Variants in GRID2 observed in about 807,000 individuals in gnomAD.
GRID2 encodes glutamate ionotropic receptor delta type subunit 2, also known as glutamate receptor ionotropic, delta-2.
GRID2 carries 33 observed loss-of-function variants against 114.8 expected under a neutral mutation model. The ratio of observed to expected loss-of-function variants is 0.29; its 90% CI spans 0.22 to 0.38. The LOEUF (loss-of-function observed/expected upper bound fraction) is 0.38. GRID2 is among the 10% of genes least tolerant of loss of function. The pLI, the probability that GRID2 is intolerant of heterozygous loss-of-function variation, is 1.00. For missense variants in GRID2, 1,184 were observed against 1,257.7 expected (o/e 0.94, Z 0.89); for synonymous variants, 505 against 449.9 (o/e 1.12, Z -1.55).
rs915846200 is a variant in GRID2, at chr4:92,647,483, G to T, written c.244+57197G>T. Among the ~76,000 whole-genome samples the T allele has an allele frequency of 3.3e-5, 5 of 149,296 alleles. 1 individual carries two copies. Among genetic ancestry groups the T allele is most frequent in the South Asian group, 2.1e-4 (1 of 4,770 alleles). ...CAAAATGATCATGGCTTGAATTATG[G>T]TTTTTTTGTTTGTTTTAAATAAGGA... On this transcript the variant is annotated intron_variant, in intron 2 of 15. Coordinates refer to ENST00000282020, the MANE Select transcript of GRID2 (RefSeq NM_001510.4).
intron 1 of GRID2, among the ~76,000 whole-genome samples, chr4:92,426,894 G>T (rs1732185125): frequency 6.6e-6 from 1 of 152,044 alleles, no homozygotes; most frequent in Non-Finnish European, 1.5e-5. Context: ...ATATTTAGTA[G>T]GTGAGCCATC....
chr4:92,346,734 C>A (rs560053530), intron 1 of GRID2, among the ~76,000 whole-genome samples: 1 of 152,218 alleles, frequency 6.6e-6, no homozygotes, highest in African/African-American at 2.4e-5. Context: ...TTCATGTAAA[C>A]ATTTGTACTC....
At chr4:93,604,770 A>G (rs542946375) in intron 13 of GRID2, among the ~76,000 whole-genome samples, 1 of 152,350 alleles carries the variant, frequency 6.6e-6, no homozygotes, top group African/African-American at 2.4e-5. Context: ...TCCACCAGCA[A>G]AAAGATTACA....
At chr4:93,355,870 A>G (rs979576927) in intron 8 of GRID2, among the ~76,000 whole-genome samples, 1 of 152,048 alleles carries the variant, frequency 6.6e-6, no homozygotes, top group Non-Finnish European at 1.5e-5. Context: ...GCAAGAAAGT[A>G]TGATCCTACT....
At chr4:92,582,246 C>T (rs1407958067) in intron 1 of GRID2, among the ~76,000 whole-genome samples, 1 of 151,458 alleles carries the variant, frequency 6.6e-6, no homozygotes, top group Admixed American at 6.6e-5. Flanking sequence ...TAGGATTATT[C>T]GTCACTAAAG....
intron 12 of GRID2, among the ~76,000 whole-genome samples, chr4:93,497,018 G>T (rs565189508): frequency 2.0e-5 from 3 of 151,676 alleles, no homozygotes; most frequent in South Asian, 2.1e-4. Flanking sequence ...GAGATCAAGG[G>T]TGTCTGCATC....
chr4:93,777,129 C>T (rs961129623), downstream of GRID2, among the ~76,000 whole-genome samples: 2 of 152,158 alleles, frequency 1.3e-5, no homozygotes, highest in Non-Finnish European at 2.9e-5. Context: ...TAGCCTCCAA[C>T]CCACACATAC....
intron 2 of GRID2, among the ~76,000 whole-genome samples, chr4:92,601,945 T>G (rs1729234746): frequency 6.6e-6 from 1 of 151,460 alleles, no homozygotes; most frequent in African/African-American, 2.4e-5. Flanking sequence ...ACATACCCCC[T>G]CGCAAGACTG....
chr4:93,122,701 G>GA (rs553252845), intron 4 of GRID2, among the ~76,000 whole-genome samples: 2 of 151,152 alleles, frequency 1.3e-5, no homozygotes, highest in Non-Finnish European at 3.0e-5. Context: ...GGAATTGTAA[G>GA]AAAAAAAATA....
At chr4:93,715,520 G>A (rs558255193) in intron 14 of GRID2, among the ~76,000 whole-genome samples, 4 of 152,238 alleles carry the variant, frequency 2.6e-5, no homozygotes, top group Admixed American at 6.5e-5. Context: ...ATTGCTTTGG[G>A]CAGTGTGGCC....
At chr4:93,286,678 T>C (rs1753184443) in intron 8 of GRID2, among the ~76,000 whole-genome samples, 1 of 24,854 alleles carries the variant, frequency 4.0e-5, no homozygotes, top group Non-Finnish European at 9.3e-5. Context: ...CTTTTGTGTA[T>C]GTGTGTGTGT....
chr4:93,336,851 CT>C, intron 8 of GRID2, among the ~76,000 whole-genome samples: 1 of 151,982 alleles, frequency 6.6e-6, no homozygotes, highest in Non-Finnish European at 1.5e-5. Context: ...TTTTCTATTT[CT>C]TTGTTTGGTT....
chr4:92,630,428 A>C (rs1730747216), intron 2 of GRID2, among the ~76,000 whole-genome samples: 1 of 152,144 alleles, frequency 6.6e-6, no homozygotes. Context: ...TGCCCCACGA[A>C]AACCTTCTCA....
At chr4:92,343,190 G>A (rs974828753) in intron 1 of GRID2, among the ~76,000 whole-genome samples, 10 of 149,542 alleles carry the variant, frequency 6.7e-5, no homozygotes, top group African/African-American at 1.5e-4. Context: ...GTAAAACTTC[G>A]ATTTTCTTCT....
At chr4:93,552,885 T>A (rs936007978) in intron 13 of GRID2, among the ~76,000 whole-genome samples, 11 of 151,330 alleles carry the variant, frequency 7.3e-5, no homozygotes, top group African/African-American at 2.7e-4. Flanking sequence ...CATATGGTGT[T>A]TGGTTTTCTG....
At chr4:93,185,152 A>T (rs970090666) in intron 4 of GRID2, among the ~76,000 whole-genome samples, 2 of 152,200 alleles carry the variant, frequency 1.3e-5, no homozygotes, top group Admixed American at 6.5e-5. Flanking sequence ...GTGAATTTTT[A>T]TATCTCTGTA....
In GRID2 at chr4:92,815,207, C is replaced by T. The variant is rs1288512524; in HGVS notation, c.244+224921C>T. ...CATATTCTTATTAATATGATATAAA[C>T]TTTGACATTTTATGTGCACAAGATA... is the stretch of plus-strand genomic sequence containing the variant. On this transcript the variant is annotated intron_variant, in intron 2 of 15. Coordinates refer to ENST00000282020, the MANE Select transcript of GRID2 (RefSeq NM_001510.4). 4.6e-5 allele frequency among the ~76,000 whole-genome samples: 7 copies of T among 152,010 alleles called. No homozygotes were observed. In the East Asian group the frequency reaches 7.8e-4, roughly 17 times the overall value.
chr4:92,543,477 T>G (rs927784706), intron 1 of GRID2, among the ~76,000 whole-genome samples: 1 of 152,202 alleles, frequency 6.6e-6, no homozygotes, highest in African/African-American at 2.4e-5. Flanking sequence ...AATATGCACA[T>G]CCTATTAGCC....
intron 2 of GRID2, among the ~76,000 whole-genome samples, chr4:93,052,736 T>A (rs373922401): frequency 6.6e-6 from 1 of 151,948 alleles, no homozygotes; most frequent in Admixed American, 6.6e-5. Flanking sequence ...ATTCTGAGCC[T>A]GATTCTCTGA....
Sources: allele counts gnomAD v4.1 joint callset (sites outside exome capture counted in the v4.1 genomes callset), GRCh38; gene constraint gnomAD v4.1.1; transcripts MANE v1.5; gene names NCBI Gene and HGNC (gene_info 2026-07-23, HGNC 2026-07-21).